TTC28: variants seen among roughly 807,000 people sequenced by gnomAD.
TTC28 encodes tetratricopeptide repeat domain 28, also known as tetratricopeptide repeat protein 28.
TTC28 carries 61 observed loss-of-function variants against 198.0 expected under a neutral mutation model. The observed-to-expected ratio is 0.31, with a 90% confidence interval of 0.25 to 0.38. TTC28 has a LOEUF of 0.38. Ranked by LOEUF, TTC28 falls within the 10% of genes least tolerant of loss-of-function variation. TTC28 has a pLI of 1.00. For synonymous variants in TTC28, 1,171 were observed against 1,297.8 expected, an observed-to-expected ratio of 0.90 and a Z score of 2.10; for missense variants, 2,678 against 3,164.0, an observed-to-expected ratio of 0.85 and a Z score of 3.69.
chr22:28,257,290 T>C (rs150876546), intron 5 of TTC28, among the ~76,000 whole-genome samples: 48 of 152,238 alleles, frequency 3.2e-4, no homozygotes, highest in African/African-American at 1.2e-3. Flanking sequence ...ATCAAAGAGA[T>C]ACCTGTACTC....
At chr22:28,333,435 G>T (rs1287568694) in intron 2 of TTC28, among the ~76,000 whole-genome samples, 3 of 152,054 alleles carry the variant, frequency 2.0e-5, no homozygotes, top group Non-Finnish European at 4.4e-5. Context: ...CTCAAAACCT[G>T]ATCCATTCAG....
intron 5 of TTC28, among the ~76,000 whole-genome samples, chr22:28,214,162 T>G (rs1478142720): frequency 2.0e-5 from 3 of 152,092 alleles, no homozygotes; most frequent in Admixed American, 6.5e-5. Context: ...ATGTTAGACC[T>G]AAAACCATAA....
intron 5 of TTC28, among the ~76,000 whole-genome samples, chr22:28,197,644 G>T (rs956154483): frequency 1.3e-5 from 2 of 151,942 alleles, no homozygotes; most frequent in Non-Finnish European, 2.9e-5. Flanking sequence ...CGAAAATATT[G>T]TTAAGAAAAT....
chr22:28,133,059 C>CA (rs1279081267), intron 6 of TTC28, among the ~76,000 whole-genome samples: 1 of 152,094 alleles, frequency 6.6e-6, no homozygotes, highest in African/African-American at 2.4e-5. Context: ...CCCGTCTCTA[C>CA]AAAAAATACC....
At chr22:28,032,207 TATATATATATAAA>T (rs1388803512) in intron 12 of TTC28, among the ~76,000 whole-genome samples, 7,200 of 125,726 alleles carry the variant, frequency 0.057, 396 homozygotes, top group South Asian at 0.066. Context: ...ATATATAAAA[TATATATATATAAA>T]ATATATATAT....
intron 5 of TTC28, among the ~76,000 whole-genome samples, chr22:28,209,409 G>T (rs939004264): frequency 9.2e-5 from 14 of 152,156 alleles, no homozygotes; most frequent in Non-Finnish European, 1.6e-4. Flanking sequence ...GTGACAGACC[G>T]TACCTGGAAA....
chr22:27,992,762 GTGGCATTTT>G (rs1282900160), intron 18 of TTC28, 99 bp from the exon 19 acceptor site: 1 of 1,215,974 alleles, frequency 8.2e-7, no homozygotes, highest in Non-Finnish European at 1.1e-6. Flanking sequence ...CTTGGCATCG[GTGGCATTTT>G]TCAGAAGCTC....
intron 2 of TTC28, among the ~76,000 whole-genome samples, chr22:28,417,633 T>C (rs758544423): frequency 6.6e-6 from 1 of 152,240 alleles, no homozygotes. Flanking sequence ...CATGTTCACA[T>C]AGTTTTATTA....
chr22:28,120,592 A>G (rs894923848), intron 6 of TTC28, among the ~76,000 whole-genome samples: 3 of 152,202 alleles, frequency 2.0e-5, no homozygotes, highest in African/African-American at 7.2e-5. Context: ...GTGAAGACAA[A>G]GCCCATCCTC....
chr22:28,444,022 T>A (rs1226333094), intron 2 of TTC28, among the ~76,000 whole-genome samples: 2 of 152,258 alleles, frequency 1.3e-5, no homozygotes, highest in Non-Finnish European at 2.9e-5. Context: ...TTCCATTTCC[T>A]TCTCTAAATT....
chr22:28,276,372 C>T (rs1390803156), intron 5 of TTC28, among the ~76,000 whole-genome samples: 2 of 152,042 alleles, frequency 1.3e-5, no homozygotes, highest in East Asian at 3.9e-4. Flanking sequence ...ATCATGAGCT[C>T]ATGACTAAAG....
chr22:28,206,732 C>G (rs1036638267), intron 5 of TTC28, among the ~76,000 whole-genome samples: 1 of 152,106 alleles, frequency 6.6e-6, no homozygotes, highest in Non-Finnish European at 1.5e-5. Flanking sequence ...TGAATTTTGG[C>G]TATGGGAGGC....
chr22:27,986,556 T>C (rs1055671997), intron 21 of TTC28, among the ~76,000 whole-genome samples: 57 of 152,176 alleles, frequency 3.7e-4, no homozygotes, highest in African/African-American at 1.3e-3. Context: ...TGAACTCCCC[T>C]GACAACACTG....
At chr22:28,167,037 T>C (rs935765370) in intron 5 of TTC28, among the ~76,000 whole-genome samples, 1 of 152,060 alleles carries the variant, frequency 6.6e-6, no homozygotes, top group African/African-American at 2.4e-5. Context: ...GAGAATACTA[T>C]AAACACCTCT....
intron 2 of TTC28, among the ~76,000 whole-genome samples, chr22:28,365,770 G>A (rs559432145): frequency 6.6e-6 from 1 of 152,230 alleles, no homozygotes; most frequent in Non-Finnish European, 1.5e-5. Context: ...GAATTTATTA[G>A]TCTATTAGAA....
At chr22:28,488,290 A>G (rs1302824681) in intron 2 of TTC28, among the ~76,000 whole-genome samples, 1 of 152,174 alleles carries the variant, frequency 6.6e-6, no homozygotes, top group African/African-American at 2.4e-5. Context: ...TTTCCTTATT[A>G]AACCCTCCAC....
At chr22:28,176,029 C>G (rs943708728) in intron 5 of TTC28, among the ~76,000 whole-genome samples, 3 of 152,062 alleles carry the variant, frequency 2.0e-5, no homozygotes, top group Non-Finnish European at 2.9e-5. Context: ...AAAAATAGAA[C>G]TACCATATGA....
At chr22:28,209,122 G>A (rs1184107581) in intron 5 of TTC28, among the ~76,000 whole-genome samples, 1 of 152,176 alleles carries the variant, frequency 6.6e-6, no homozygotes. Context: ...CTAGCTCAGA[G>A]ACATTAGAAA....
intron 2 of TTC28, among the ~76,000 whole-genome samples, chr22:28,476,896 T>C (rs992658780): frequency 5.9e-5 from 9 of 152,154 alleles, no homozygotes; most frequent in Admixed American, 4.6e-4. Context: ...AACAGGTGAA[T>C]AGTAGTAAAG....
Sources: gnomAD v4.1 joint callset for allele counts (sites outside exome capture counted in the v4.1 genomes callset) on GRCh38, gnomAD v4.1.1 for gene constraint, MANE v1.5 for transcripts, NCBI Gene and HGNC (gene_info 2026-07-23, HGNC 2026-07-21) for gene names.